The following DACH2 variants were observed in gnomAD, a reference collection of about 807,000 sequenced individuals.
DACH2 encodes dachshund family transcription factor 2, also known as dachshund homolog 2.
In DACH2, 17 loss-of-function variants were observed where a neutral mutation model predicts 35.8. The observed-to-expected ratio is 0.48, with a 90% confidence interval of 0.33 to 0.71. The LOEUF is 0.71. Among genes scored for constraint, DACH2 ranks in the 30% least tolerant of loss-of-function variants. DACH2 has a pLI of 0.02. For synonymous variants in DACH2, 195 were observed against 177.3 expected, an observed-to-expected ratio of 1.10 and a Z score of -0.79; for missense variants, 469 against 472.7, an observed-to-expected ratio of 0.99 and a Z score of 0.07.
intron 7 of DACH2, among the ~76,000 whole-genome samples, chrX:86,779,296 C>T: frequency 2.7e-5 from 3 of 111,114 alleles, no homozygotes; most frequent in Non-Finnish European, 5.7e-5. Context: ...AACCATGCTG[C>T]TGTCTGAGGA....
Position 86,413,259 on chromosome X carries a change from A to C in DACH2, c.527+36397A>C, listed in dbSNP as rs192355511. Among the ~76,000 whole-genome samples the C allele has an allele frequency of 2.7e-4, 30 of 112,268 alleles. No individual in the cohort carries two copies. In the East Asian group the frequency reaches 3.1e-3, roughly 12 times the overall value. On this transcript the variant is annotated intron_variant, in intron 2 of 11. Coordinates refer to ENST00000373125, the MANE Select transcript of DACH2 (RefSeq NM_053281.3). ...ATATTTTGCAGAAGGAAAAAGCAAT[A>C]GAAGTCTTTTTGAAGAGTTGATATA...
At chrX:86,534,183 G>A (rs1230431560) in intron 3 of DACH2, among the ~76,000 whole-genome samples, 1 of 111,764 alleles carries the variant, frequency 8.9e-6, no homozygotes, top group Non-Finnish European at 1.9e-5. Flanking sequence ...CAGCTATAAG[G>A]CAAATCAAAA....
chrX:86,309,107 C>T (rs953072557), intron 1 of DACH2, among the ~76,000 whole-genome samples: 1 of 111,974 alleles, frequency 8.9e-6, no homozygotes, highest in African/African-American at 3.2e-5. Flanking sequence ...ATATCACATC[C>T]CTGGAGGGAT....
chrX:86,364,627 T>C (rs1205892347), intron 1 of DACH2, among the ~76,000 whole-genome samples: 1 of 111,733 alleles, frequency 8.9e-6, no homozygotes, highest in African/African-American at 3.2e-5. Flanking sequence ...CCACACCCCA[T>C]GCTACGGAGT....
At chrX:86,463,496 C>T (rs1260660766) in intron 2 of DACH2, among the ~76,000 whole-genome samples, 2 of 110,328 alleles carry the variant, frequency 1.8e-5, no homozygotes, top group Non-Finnish European at 3.8e-5. Context: ...AACTGGACCC[C>T]TTCCTTACAC....
At chrX:86,572,560 C>T (rs755841277) in intron 3 of DACH2, among the ~76,000 whole-genome samples, 4 of 111,398 alleles carry the variant, frequency 3.6e-5, no homozygotes, top group African/African-American at 1.3e-4. Flanking sequence ...GATAGGACCT[C>T]CAGTAAAATA....
At chrX:86,173,592 T>C (rs1369605719) in intron 1 of DACH2, among the ~76,000 whole-genome samples, 1 of 111,604 alleles carries the variant, frequency 9.0e-6, no homozygotes, top group Non-Finnish European at 1.9e-5. Context: ...GTTTGAGGAA[T>C]GTTAAGAAGC....
chrX:86,237,032 A>G (rs2033069926), intron 1 of DACH2, among the ~76,000 whole-genome samples: 1 of 112,471 alleles, frequency 8.9e-6, no homozygotes, highest in Admixed American at 9.4e-5. Flanking sequence ...TATTTATTCT[A>G]TAAGCTTTTT....
rs1257780191 is a variant in DACH2, at chrX:86,813,279, T to C, written c.1537+2T>C. The C allele has an allele frequency of 8.4e-7, 1 of 1,190,849 alleles. No homozygotes were observed. On this transcript the variant is annotated splice_donor_variant, in intron 9 of 11. Transcript: ENST00000373125. LOFTEE classifies it high-confidence loss of function. ...TTGCAGTTGAGCTTCAAAGCAGAAG[T>C]AAGTTTTACAAGTTCAATTACAGAG...
intron 5 of DACH2, among the ~76,000 whole-genome samples, chrX:86,710,051 A>C: frequency 8.9e-6 from 1 of 112,189 alleles, no homozygotes; most frequent in Non-Finnish European, 1.9e-5. Context: ...AGTTCACACA[A>C]AAACCTATAC....
intron 1 of DACH2, among the ~76,000 whole-genome samples, chrX:86,221,409 A>T (rs1393570420): frequency 1.8e-5 from 2 of 111,301 alleles, no homozygotes; most frequent in Non-Finnish European, 3.8e-5. Context: ...ATTCTGTTTT[A>T]TTTGTCTATA....
rs960174891 is a variant in DACH2, at chrX:86,418,553, G to A, written c.527+41691G>A. On this transcript the variant is annotated intron_variant, in intron 2 of 11. Coordinates refer to ENST00000373125, the MANE Select transcript of DACH2 (RefSeq NM_053281.3). ...GAAGCCATGGTCCCAGCTCTATGTT[G>A]GCCCATTTCAGCCATACTCAGGGCA... 2.7e-5 allele frequency among the ~76,000 whole-genome samples: 3 copies of A among 111,751 alleles called. No homozygotes were observed. The Admixed American group carries it at 2.8e-4, about 11-fold the overall frequency.
chrX:86,178,777 T>C (rs756309131), intron 1 of DACH2, among the ~76,000 whole-genome samples: 107 of 111,482 alleles, frequency 9.6e-4, no homozygotes, highest in Non-Finnish European at 1.5e-3. Flanking sequence ...GTACATAAAG[T>C]GCTTGACACA....
At chrX:86,168,708 A>C (rs1429860102) in intron 1 of DACH2, among the ~76,000 whole-genome samples, 3 of 108,235 alleles carry the variant, frequency 2.8e-5, no homozygotes, top group Non-Finnish European at 5.8e-5. Context: ...TGAGCTTTGC[A>C]AATACTATCT....
chrX:86,241,925 G>T (rs747951714), intron 1 of DACH2, among the ~76,000 whole-genome samples: 1 of 112,643 alleles, frequency 8.9e-6, no homozygotes, highest in African/African-American at 3.2e-5. Context: ...AGCACAGAAG[G>T]CAAGAGTTGA....
At chrX:86,446,285 TTTC>T (rs2037274018) in intron 2 of DACH2, among the ~76,000 whole-genome samples, 1 of 57,041 alleles carries the variant, frequency 1.8e-5, no homozygotes, top group East Asian at 1.3e-3. Context: ...TTGAGTCTTG[TTTC>T]TTTTTTTTTT....
chrX:86,718,231 C>T (rs755429990), intron 6 of DACH2, among the ~76,000 whole-genome samples: 22 of 111,367 alleles, frequency 2.0e-4, no homozygotes, highest in South Asian at 7.4e-4. Context: ...TTTTAATTTG[C>T]GTTTCTCTGA....
At chrX:86,465,388 G>T (rs1039125252) in intron 2 of DACH2, among the ~76,000 whole-genome samples, 1 of 112,013 alleles carries the variant, frequency 8.9e-6, no homozygotes, top group Non-Finnish European at 1.9e-5. Flanking sequence ...AAGTAGCCAA[G>T]ACTAGAGCTT....
intron 7 of DACH2, among the ~76,000 whole-genome samples, chrX:86,749,489 G>T (rs1268543943): frequency 9.0e-6 from 1 of 111,357 alleles, no homozygotes; most frequent in African/African-American, 3.3e-5. Flanking sequence ...GAGAAATGGG[G>T]GGACGACAGG....
Sources: gnomAD v4.1 joint callset for allele counts (sites outside exome capture counted in the v4.1 genomes callset) on GRCh38, gnomAD v4.1.1 for gene constraint, MANE v1.5 for transcripts, NCBI Gene and HGNC (gene_info 2026-07-23, HGNC 2026-07-21) for gene names.